PCDHA9: variants seen among roughly 807,000 people sequenced by gnomAD.
PCDHA9 encodes protocadherin alpha-9.
Under a neutral mutation model 62.0 loss-of-function variants are expected in PCDHA9, and 62 were observed. The ratio of observed to expected loss-of-function variants is 1.00; its 90% confidence interval spans 0.81 to 1.23. The LOEUF is 1.23. Ranked by LOEUF, PCDHA9 falls within the 50% of genes most tolerant of loss-of-function variation. The pLI is 0.00. For missense variants in PCDHA9, 1,205 were observed against 1,249.8 expected (o/e 0.96, Z 0.54); for synonymous variants, 557 against 567.6 (o/e 0.98, Z 0.27).
intron 1 of PCDHA9, among the ~76,000 whole-genome samples, chr5:140,931,051 G>A (rs1460771235): frequency 6.6e-6 from 1 of 152,134 alleles, no homozygotes; most frequent in African/African-American, 2.4e-5. Flanking sequence ...AAACTTCAAT[G>A]CTGTGTCTGG....
At chr5:140,956,356 T>C (rs1283114496) in intron 1 of PCDHA9, among the ~76,000 whole-genome samples, 3 of 152,218 alleles carry the variant, frequency 2.0e-5, no homozygotes, top group Non-Finnish European at 4.4e-5. Flanking sequence ...ATTTTTAACA[T>C]GAAGGGATGT....
At chr5:140,928,227 T>G (rs781923359) in intron 1 of PCDHA9, 2 of 1,614,198 alleles carry the variant, frequency 1.2e-6, no homozygotes, top group South Asian at 2.2e-5. Context: ...CACCAAACTT[T>G]CCTCAACCCC....
At chr5:140,869,937 A>C (rs782444890) in intron 1 of PCDHA9, 1 of 1,612,006 alleles carries the variant, frequency 6.2e-7, no homozygotes, top group Non-Finnish European at 8.5e-7. Flanking sequence ...GAGAGGTAAC[A>C]TACTCCTTAA....
At chr5:140,869,139 AC>A in intron 1 of PCDHA9, 1 of 1,613,274 alleles carries the variant, frequency 6.2e-7, no homozygotes. Flanking sequence ...TGGGCACCCC[AC>A]GACTACAGCT....
intron 2 of PCDHA9, among the ~76,000 whole-genome samples, chr5:140,979,495 G>A (rs1405180713): frequency 6.6e-6 from 1 of 151,840 alleles, no homozygotes; most frequent in Non-Finnish European, 1.5e-5. Context: ...ACCTATTAGA[G>A]CCTCCTCATC....
In PCDHA9 at chr5:140,863,325, AGT is replaced by A. The variant is rs1554158100; in HGVS notation, c.2394+12438_2394+12439del. 4 of 1,432,658 alleles carry A rather than the reference AGT, an allele frequency of 2.8e-6. No individual in the cohort carries two copies. In the African/African-American group the frequency reaches 5.7e-5, roughly 21 times the overall value. The allele number at this position is 1,432,658 out of a possible 1,614,324, so 88.7% of individuals were successfully genotyped here. On this transcript the variant is annotated intron_variant, in intron 1 of 3. Transcript: ENST00000532602. ...CCATCTGCGTGGTGTCCAGCCTGTT[AGT>A]GCTCACGTTGCTGCTGTACACGACG...
chr5:140,934,688 A>G (rs1554210048), intron 1 of PCDHA9, among the ~76,000 whole-genome samples: 2 of 152,186 alleles, frequency 1.3e-5, no homozygotes, highest in African/African-American at 4.8e-5. Flanking sequence ...CAAAACAATG[A>G]ATTGATTCCT....
At chr5:140,869,052 T>G in intron 1 of PCDHA9, 1 of 1,543,852 alleles carries the variant, frequency 6.5e-7, no homozygotes. Flanking sequence ...AACTGAAGAA[T>G]CTGGTACTGT....
Position 140,995,490 on chromosome 5 carries a change from A to C in PCDHA9, c.2542+12927A>C, listed in dbSNP as rs181247682. Among the ~76,000 whole-genome samples the C allele has an allele frequency of 2.7e-3, 416 of 152,304 alleles. 1 individual carries two copies. The highest frequency in any genetic ancestry group is 4.2e-3 in the Non-Finnish European group (283 of 68,028). ...ATTTTTCATTTAATATTTTCAGACT[A>C]AGGTTGACTGTGGGTAACTGAAGCC... is the stretch of plus-strand genomic sequence containing the variant. On this transcript the variant is annotated intron_variant, in intron 3 of 3. Transcript: ENST00000532602.
At chr5:140,865,342 T>G (rs1437907469) in intron 1 of PCDHA9, 1 of 152,202 alleles carries the variant, frequency 6.6e-6, no homozygotes, top group Non-Finnish European at 1.5e-5. Flanking sequence ...AAAGAAATAG[T>G]ATATTTACAT....
chr5:140,890,726 T>C (rs2062772984), intron 1 of PCDHA9, among the ~76,000 whole-genome samples: 1 of 152,214 alleles, frequency 6.6e-6, no homozygotes. Context: ...TTTAATCCCT[T>C]TTGACTTATA....
At chr5:140,952,158 G>A (rs2094696814) in intron 1 of PCDHA9, among the ~76,000 whole-genome samples, 1 of 151,946 alleles carries the variant, frequency 6.6e-6, no homozygotes, top group Non-Finnish European at 1.5e-5. Flanking sequence ...GTGGCTTTGT[G>A]GGGTTCAGTT....
At chr5:140,911,249 C>T (rs782367621) in intron 1 of PCDHA9, among the ~76,000 whole-genome samples, 4 of 152,152 alleles carry the variant, frequency 2.6e-5, no homozygotes, top group African/African-American at 4.8e-5. Context: ...AAAGTTTCAT[C>T]AGAATTTATA....
chr5:140,867,871 A>G (rs1450375674), intron 1 of PCDHA9: 1 of 152,152 alleles, frequency 6.6e-6, no homozygotes, highest in Non-Finnish European at 1.5e-5. Flanking sequence ...TTAATTTTCT[A>G]TGTTTTAAGC....
intron 1 of PCDHA9, chr5:140,883,696 G>A (rs142212706): frequency 6.2e-7 from 1 of 1,613,818 alleles, no homozygotes; most frequent in Non-Finnish European, 8.5e-7. Flanking sequence ...ACATCTTCAC[G>A]GTGTCTGCTC....
intron 1 of PCDHA9, among the ~76,000 whole-genome samples, chr5:140,922,126 G>A (rs1206223275): frequency 1.3e-5 from 2 of 151,970 alleles, no homozygotes; most frequent in Non-Finnish European, 2.9e-5. Flanking sequence ...ACCTTTAAAT[G>A]TCTCTTATCC....
chr5:140,865,511 T>C (rs868994454), intron 1 of PCDHA9: 1 of 152,226 alleles, frequency 6.6e-6, no homozygotes, highest in African/African-American at 2.4e-5. Flanking sequence ...TCCTACTTTA[T>C]GGTGCTGGAA....
intron 1 of PCDHA9, chr5:140,856,890 G>GTATT: frequency 6.3e-7 from 1 of 1,596,172 alleles, no homozygotes; most frequent in Non-Finnish European, 8.6e-7. Context: ...TATTCATTTA[G>GTATT]CTCTTTGGTC....
intron 1 of PCDHA9, chr5:140,877,802 A>C: frequency 6.2e-7 from 1 of 1,613,434 alleles, no homozygotes; most frequent in Non-Finnish European, 8.5e-7. Flanking sequence ...CCAAGCCTTC[A>C]GCTGTCTCGA....
Sources: gnomAD v4.1 joint callset for allele counts (sites outside exome capture counted in the v4.1 genomes callset) on GRCh38, gnomAD v4.1.1 for gene constraint, MANE v1.5 for transcripts, NCBI Gene and HGNC (gene_info 2026-07-23, HGNC 2026-07-21) for gene names.